The following DGKH variants were observed in gnomAD, a reference collection of about 807,000 sequenced individuals.
DGKH encodes the protein DAG kinase eta.
A neutral mutation model predicts 159.3 loss-of-function variants in DGKH; 90 were observed. The observed-to-expected ratio is 0.57, with a 90% CI of 0.48 to 0.67. The LOEUF (loss-of-function observed/expected upper bound fraction) is 0.67, where lower values mean the gene tolerates loss of function less well. DGKH is among the 30% of genes least tolerant of loss of function. DGKH has a pLI of 0.00. For missense variants in DGKH, 1,181 were observed against 1,506.1 expected (o/e 0.78, Z 3.57); for synonymous variants, 536 against 553.8 (o/e 0.97, Z 0.45).
chr13:42,169,238 T>C (rs902618701), intron 11 of DGKH, among the ~76,000 whole-genome samples: 11 of 152,210 alleles, frequency 7.2e-5, no homozygotes, highest in Non-Finnish European at 1.5e-4. Context: ...TTAGATTTGT[T>C]AGAATATCTC....
intron 7 of DGKH, among the ~76,000 whole-genome samples, chr13:42,161,920 G>T (rs538260995): frequency 2.0e-5 from 3 of 151,882 alleles, no homozygotes; most frequent in Non-Finnish European, 4.4e-5. Context: ...TTTAAACTCT[G>T]TTAACTTTAA....
intron 3 of DGKH, among the ~76,000 whole-genome samples, chr13:42,141,850 G>A (rs1955570846): frequency 6.6e-6 from 1 of 151,874 alleles, no homozygotes; most frequent in Non-Finnish European, 1.5e-5. Flanking sequence ...TAGGTTGCCT[G>A]TTCACTCTGA....
At chr13:42,046,045 C>T (rs1357618672), upstream of DGKH, among the ~76,000 whole-genome samples, 2 of 152,170 alleles carry the variant, frequency 1.3e-5, no homozygotes, top group African/African-American at 4.8e-5. Flanking sequence ...CACCTATTTC[C>T]ATTTCACCCT....
At chr13:42,171,832 T>G (rs1335332513) in intron 11 of DGKH, among the ~76,000 whole-genome samples, 1 of 145,154 alleles carries the variant, frequency 6.9e-6, no homozygotes, top group Non-Finnish European at 1.5e-5. Flanking sequence ...AAATTTCTTT[T>G]TTTTTTTTTT....
In DGKH at chr13:42,209,368, G is replaced by A. The variant is rs1377430231; in HGVS notation, c.2753G>A (p.Gly918Glu). The A allele has an allele frequency of 6.2e-7, 1 of 1,613,594 alleles. No individual in the cohort carries two copies. Among genetic ancestry groups the A allele is most frequent in the Non-Finnish European group, 8.5e-7 (1 of 1,179,794 alleles). Reference protein sequence around the residue: ...TVKITIFGDEGVPVQVDGEAW... With the variant: ...TVKITIFGDEEVPVQVDGEAW... Reference sequence around the variant, plus strand: ...AAAATCACTATATTTGGTGACGAAGGAGTCCCAGTGCAAGTGGATGGTGAA... The same window carrying A: ...AAAATCACTATATTTGGTGACGAAGAAGTCCCAGTGCAAGTGGATGGTGAA... The change falls in exon 23 of 30, where the codon GGA (glycine) becomes GAA (glutamate). Residue 918 changes from glycine (G) to glutamate (E), a missense_variant. Transcript: ENST00000337343.
intron 1 of DGKH, among the ~76,000 whole-genome samples, chr13:42,112,285 T>A (rs1046902112): frequency 4.4e-4 from 4 of 9,026 alleles, no homozygotes. Flanking sequence ...GCCTTGTGGC[T>A]TTTTTTTTTT....
intron 11 of DGKH, among the ~76,000 whole-genome samples, chr13:42,171,784 G>T (rs1956461044): frequency 6.6e-6 from 1 of 151,426 alleles, no homozygotes; most frequent in Non-Finnish European, 1.5e-5. Context: ...TAGTATATCT[G>T]CTGCATGGAT....
chr13:42,127,432 A>G, intron 1 of DGKH, 31 bp from the exon 2 acceptor site: 1 of 1,501,486 alleles, frequency 6.7e-7, no homozygotes, highest in South Asian at 1.1e-5. Flanking sequence ...TTTCATTTTA[A>G]TCGTGTCATT....
intron 11 of DGKH, 60 bp from the exon 12 acceptor site, chr13:42,174,000 T>A: frequency 8.0e-7 from 1 of 1,255,776 alleles, no homozygotes. Context: ...TATGAGATGC[T>A]AACAGTTAGT....
At position 42,240,668 on chromosome 13, in the gene DGKH, A is replaced by C. The variant is rs1290080846; in HGVS notation, c.*11480A>C. 1 of 152,054 alleles carries C rather than the reference A, an allele frequency of 6.6e-6. No homozygotes were observed. The highest frequency in any genetic ancestry group is 1.5e-5 in the Non-Finnish European group (1 of 68,000). 9.4% of individuals were successfully genotyped at this position (152,054 alleles called of 1,614,324 possible). On this transcript the variant is annotated 3_prime_UTR_variant, in exon 30 of 30. Coordinates refer to ENST00000337343, the MANE Select transcript of DGKH (RefSeq NM_178009.5). ...TAATGTAAACATAAGAAGGCTTGTG[A>C]CTCTTATCACCCTCTATAGAATATA...
rs1265291387 is a variant in DGKH, at chr13:42,234,433, A to C, written c.*5245A>C. 2.6e-5 allele frequency: 4 copies of C among 152,154 alleles called. No individual in the cohort carries two copies. Among genetic ancestry groups the C allele is most frequent in the Non-Finnish European group, 5.9e-5 (4 of 68,028 alleles). 9.4% of individuals were successfully genotyped at this position (152,154 alleles called of 1,614,324 possible). A position where few individuals can be genotyped will look rare whatever the true frequency, so the allele number is the denominator to read the frequency against. ...TGGGCTGTCAACATAGTGGACTTTC[A>C]TGTTCTATGGATATGAATTCTTTAA... On this transcript the variant is annotated 3_prime_UTR_variant, in exon 30 of 30. Transcript: ENST00000337343.
chr13:42,218,486 T>C (rs1033036641), intron 26 of DGKH, among the ~76,000 whole-genome samples: 2 of 150,378 alleles, frequency 1.3e-5, no homozygotes, highest in Non-Finnish European at 3.0e-5. Flanking sequence ...AAAAGTATTA[T>C]TTGTTCATGT....
rs868827824 is a variant in DGKH at position 42,040,366 on chromosome 13, C to G, written c.-13+240C>G. On this transcript the variant is annotated intron_variant, in intron 1 of 29. Coordinates refer to the DGKH transcript ENST00000379274. ...TCCTCGCCGCTCTCCGCGCGCCCGGCCCCGGGGGAGGCCGCTCCTTTCCGC... is the reference window on the plus strand; with the variant it reads ...TCCTCGCCGCTCTCCGCGCGCCCGGGCCCGGGGGAGGCCGCTCCTTTCCGC... 8.5e-5 allele frequency among the ~76,000 whole-genome samples: 13 copies of G among 152,130 alleles called. No individual in the cohort carries two copies. The Middle Eastern group carries it at 0.014, about 160-fold the overall frequency.
intron 25 of DGKH, among the ~76,000 whole-genome samples, chr13:42,215,225 A>T (rs1018962220): frequency 2.0e-5 from 3 of 152,000 alleles, no homozygotes; most frequent in East Asian, 3.9e-4. Flanking sequence ...TGTTCTCAAG[A>T]TAATAGTCTA....
chr13:42,219,470 C>G, intron 27 of DGKH, 121 bp downstream of exon 27: 1 of 1,431,566 alleles, frequency 7.0e-7, no homozygotes, highest in Non-Finnish European at 9.5e-7. Flanking sequence ...TTCAAATGTT[C>G]TGTTCTTGAA....
chr13:42,041,133 C>T (rs1880476173), intron 1 of DGKH, among the ~76,000 whole-genome samples: 1 of 152,200 alleles, frequency 6.6e-6, no homozygotes, highest in Non-Finnish European at 1.5e-5. Context: ...TCGAGGCTCT[C>T]CCCGAGGAAC....
intron 1 of DGKH, among the ~76,000 whole-genome samples, chr13:42,099,538 C>G (rs2030686451): frequency 6.6e-6 from 1 of 152,116 alleles, no homozygotes; most frequent in African/African-American, 2.4e-5. Context: ...AGTTCAGTGT[C>G]TCTGAAGTGT....
chr13:42,244,843 G>A (rs1439395213), downstream of DGKH, among the ~76,000 whole-genome samples: 2 of 129,448 alleles, frequency 1.5e-5, no homozygotes, highest in East Asian at 2.6e-4. Context: ...GGCGGAGCTT[G>A]CAGTGAGCCG....
intron 1 of DGKH, chr13:42,068,897 C>T: frequency 9.5e-7 from 1 of 1,057,212 alleles, no homozygotes; most frequent in Non-Finnish European, 1.3e-6. Context: ...AAATACATTT[C>T]ATAAGAATAC....
Sources: allele counts gnomAD v4.1 joint callset (sites outside exome capture counted in the v4.1 genomes callset), GRCh38; gene constraint gnomAD v4.1.1; transcripts MANE v1.5; gene names NCBI Gene and HGNC (gene_info 2026-07-23, HGNC 2026-07-21).